The following PECAM1 variants were observed in gnomAD, a reference collection of about 807,000 sequenced individuals.
PECAM1 encodes the protein platelet and endothelial cell adhesion molecule 1.
In PECAM1, 8 loss-of-function variants were observed where a neutral mutation model predicts 13.8. The ratio of observed to expected loss-of-function variants is 0.58; its 90% CI spans 0.34 to 1.05. PECAM1 has a LOEUF of 1.05. Among genes scored for constraint, PECAM1 ranks in the 50% least tolerant of loss-of-function variants. PECAM1 has a pLI of 0.03. For missense variants in PECAM1, 304 were observed against 141.2 expected, an observed-to-expected ratio of 2.15 and a Z score of -5.84; for synonymous variants, 136 against 52.6, an observed-to-expected ratio of 2.58 and a Z score of -6.86.
chr17:64,324,495 C>T (rs181171426), intron 15 of PECAM1, among the ~76,000 whole-genome samples: 4 of 152,324 alleles, frequency 2.6e-5, no homozygotes, highest in Admixed American at 1.3e-4. Flanking sequence ...CACCCATGTA[C>T]GCCCAGCACA....
intron 10 of PECAM1, among the ~76,000 whole-genome samples, chr17:64,352,729 A>T (rs2035754921): frequency 6.6e-6 from 1 of 151,678 alleles, no homozygotes; most frequent in Non-Finnish European, 1.5e-5. Flanking sequence ...ATCTCGGATC[A>T]CTGCAGCCTC....
At chr17:64,374,709 G>A (rs948057619) in intron 4 of PECAM1, among the ~76,000 whole-genome samples, 1 of 151,922 alleles carries the variant, frequency 6.6e-6, no homozygotes, top group Non-Finnish European at 1.5e-5. Flanking sequence ...GCTTGAACCC[G>A]GGAGGCAGAG....
chr17:64,342,933 T>TGGGTGTGCACACACTCATGCACACA (rs1212939435), intron 13 of PECAM1, among the ~76,000 whole-genome samples: 128 of 152,280 alleles, frequency 8.4e-4, no homozygotes, highest in African/African-American at 2.5e-3. Context: ...ACATGCAATC[T>TGGGTGTGCACACACTCATGCACACA]GGGTGTGCAC....
chr17:64,328,520 GTC>G (rs1555646070), intron 15 of PECAM1, among the ~76,000 whole-genome samples: 1 of 152,224 alleles, frequency 6.6e-6, no homozygotes, highest in African/African-American at 2.4e-5. Flanking sequence ...TGACACGATA[GTC>G]TCTGATTTCA....
chr17:64,377,867 G>A lies in PECAM1; in HGVS notation c.342C>T (p.Asn114=). 2 of 475,218 alleles carry A rather than the reference G, an allele frequency of 4.2e-6. No individual in the cohort carries two copies. The allele number at this position is 475,218 out of a possible 1,614,324, so 29.4% of individuals were successfully genotyped here. ...SGTYKCTVIV[N]NKEKTTAEYQ... ...ACTCTGCAGTGGTTTTCTCTTTGTT[G>A]TTCACAATCACAGTACATTTATATG... The change falls in exon 3 of 16, where the codon AAC becomes AAT. Residue 114 remains asparagine (N), a synonymous_variant. Transcript: ENST00000563924.
Position 64,355,379 on chromosome 17 carries a change from T to G in PECAM1, c.1781-339A>C, listed in dbSNP as rs900251854. 2.7e-3 allele frequency among the ~76,000 whole-genome samples: 413 copies of G among 152,314 alleles called. 1 individual carries two copies. The highest frequency in any genetic ancestry group is 9.5e-3 in the African/African-American group (394 of 41,572). On this transcript the variant is annotated intron_variant, in intron 8 of 15. Coordinates refer to ENST00000563924, the MANE Select transcript of PECAM1 (RefSeq NM_000442.5). ...GATGACAGCTCACTGCAGCCTCAAC[T>G]TCCTGGGCTTGAGCAATCCTTCCAC...
intron 13 of PECAM1, among the ~76,000 whole-genome samples, chr17:64,344,336 A>T (rs2035509986): frequency 6.6e-6 from 1 of 151,754 alleles, no homozygotes; most frequent in Non-Finnish European, 1.5e-5. Context: ...TAATGAGTAA[A>T]CCAGGCTGGC....
intron 5 of PECAM1, among the ~76,000 whole-genome samples, chr17:64,365,553 C>A (rs1225620025): frequency 4.6e-5 from 7 of 151,904 alleles, no homozygotes; most frequent in African/African-American, 1.4e-4. Context: ...GGAGACATCA[C>A]GCAACCTGAC....
chr17:64,349,359 G>A (rs1001379964), intron 12 of PECAM1, among the ~76,000 whole-genome samples: 5 of 151,838 alleles, frequency 3.3e-5, no homozygotes, highest in Non-Finnish European at 5.9e-5. Flanking sequence ...AGGCTGAGGC[G>A]GGCAGATCAC....
Position 64,369,376 on chromosome 17 carries a change from G to T in PECAM1, c.967+374C>A, listed in dbSNP as rs942561028. Among the ~76,000 whole-genome samples the T allele has an allele frequency of 3.3e-5, 5 of 152,252 alleles. No individual in the cohort carries two copies. The East Asian group carries it at 9.6e-4, about 29-fold the overall frequency. On this transcript the variant is annotated intron_variant, in intron 5 of 15. Coordinates refer to ENST00000563924, the MANE Select transcript of PECAM1 (RefSeq NM_000442.5). ...ATGAAAACATTAACCAGTGTTCAGA[G>T]TCTTACTCTGTACAAATCTCTCAGC...
chr17:64,337,618 A>G (rs2035312617), intron 14 of PECAM1, among the ~76,000 whole-genome samples: 1 of 151,874 alleles, frequency 6.6e-6, no homozygotes, highest in South Asian at 2.1e-4. Flanking sequence ...GTCTCCCAGG[A>G]AAGCCTGTGC....
intron 5 of PECAM1, among the ~76,000 whole-genome samples, chr17:64,367,726 T>C (rs1362378842): frequency 3.9e-5 from 6 of 152,124 alleles, no homozygotes; most frequent in Admixed American, 2.0e-4. Context: ...GAATTCTTCA[T>C]AGGTAAAACC....
chr17:64,361,147 GTGTGTGTGTGTGTTC>G (rs2035967444), intron 6 of PECAM1, among the ~76,000 whole-genome samples: 1 of 150,932 alleles, frequency 6.6e-6, no homozygotes, highest in East Asian at 2.0e-4. Flanking sequence ...GTGTGTGTGT[GTGTGTGTGTGTGTTC>G]TGAGACCGAG....
chr17:64,325,280 C>T (rs1425648818), intron 15 of PECAM1, among the ~76,000 whole-genome samples: 1 of 151,974 alleles, frequency 6.6e-6, no homozygotes, highest in African/African-American at 2.4e-5. Flanking sequence ...CCCAGCCACT[C>T]GGGAGGCTGA....
chr17:64,388,847 T>TA (rs1278675017), intron 2 of PECAM1, among the ~76,000 whole-genome samples: 1 of 152,122 alleles, frequency 6.6e-6, no homozygotes, highest in Non-Finnish European at 1.5e-5. Context: ...TTTGTATTTT[T>TA]AGTAGAGACG....
At chr17:64,373,706 C>T (rs1248111757) in intron 4 of PECAM1, among the ~76,000 whole-genome samples, 1 of 152,136 alleles carries the variant, frequency 6.6e-6, no homozygotes, top group Admixed American at 6.6e-5. Flanking sequence ...CCAGAGCACA[C>T]ATGATTTTAT....
At chr17:64,331,013 C>A (rs1426452328) in intron 14 of PECAM1, among the ~76,000 whole-genome samples, 2 of 152,146 alleles carry the variant, frequency 1.3e-5, no homozygotes, top group Non-Finnish European at 2.9e-5. Context: ...TTCAATAACA[C>A]CACCGGTATC....
intron 13 of PECAM1, among the ~76,000 whole-genome samples, chr17:64,342,143 C>A (rs1305201355): frequency 9.3e-6 from 1 of 107,814 alleles, no homozygotes; most frequent in African/African-American, 3.2e-5. Flanking sequence ...CAGTGACACA[C>A]CACCTCAAAA....
intron 2 of PECAM1, among the ~76,000 whole-genome samples, chr17:64,383,249 C>T (rs1258469889): frequency 6.6e-6 from 1 of 152,034 alleles, no homozygotes; most frequent in African/African-American, 2.4e-5. Flanking sequence ...GTCAGACATA[C>T]CAGATTCAAA....
Sources: allele counts gnomAD v4.1 joint callset (sites outside exome capture counted in the v4.1 genomes callset), GRCh38; gene constraint gnomAD v4.1.1; transcripts MANE v1.5; gene names NCBI Gene and HGNC (gene_info 2026-07-23, HGNC 2026-07-21).